C1orf198: variants seen among roughly 807,000 people sequenced by gnomAD.
C1orf198 encodes uncharacterized protein C1orf198.
C1orf198 carries 17 observed loss-of-function variants against 31.4 expected under a neutral mutation model. The observed-to-expected ratio is 0.54, with a 90% CI of 0.37 to 0.81. The LOEUF is 0.81. Ranked by LOEUF, C1orf198 falls within the 40% of genes least tolerant of loss-of-function variation. The probability of loss-of-function intolerance (pLI) is 0.00; values close to 1 mark genes in which losing one functional copy is unlikely to be tolerated. For synonymous variants in C1orf198, 175 were observed against 193.8 expected, an observed-to-expected ratio of 0.90 and a Z score of 0.81; for missense variants, 401 against 450.3, an observed-to-expected ratio of 0.89 and a Z score of 0.99.
chr1:230,868,254 C>A lies in C1orf198; in HGVS notation c.259G>T (p.Asp87Tyr), dbSNP rs369516099. Residue 87 changes from aspartate (D) to tyrosine (Y), a missense_variant, in exon 1 of 4, where the codon GAC becomes TAC. By Grantham distance (160) the Asp-to-Tyr change is radical. Transcript: ENST00000366663. ...PRAPAPRDPG[D>Y]SEELTRFPGL... Reference sequence around the variant, plus strand: ...GGGAAGCGCGTGAGCTCCTCCGAGTCCCCGGGGTCTCGGGGCGCCGGGGCG... The same window carrying A: ...GGGAAGCGCGTGAGCTCCTCCGAGTACCCGGGGTCTCGGGGCGCCGGGGCG... The A allele has an allele frequency of 1.3e-6, 2 of 1,570,188 alleles. No individual in the cohort carries two copies. The highest frequency in any genetic ancestry group is 1.4e-5 in the African/African-American group (1 of 71,226).
chr1:230,868,156 G>T, intron 1 of C1orf198, 24 bp downstream of exon 1: 5 of 1,411,934 alleles, frequency 3.5e-6, no homozygotes, highest in Non-Finnish European at 4.6e-6. Context: ...GGGGAAGAGG[G>T]TCCGCGGCCA....
intron 1 of C1orf198, chr1:230,855,947 G>A: frequency 7.6e-7 from 1 of 1,322,722 alleles, no homozygotes; most frequent in East Asian, 2.8e-5. Flanking sequence ...CAGCCAAACA[G>A]ACAACAGGGA....
intron 1 of C1orf198, among the ~76,000 whole-genome samples, chr1:230,858,821 G>A (rs977780192): frequency 6.6e-6 from 1 of 152,188 alleles, no homozygotes; most frequent in Non-Finnish European, 1.5e-5. Flanking sequence ...GCTTTGGAAG[G>A]TGGCTCAATA....
chr1:230,868,152 G>A lies in C1orf198; in HGVS notation c.333+28C>T, dbSNP rs560803969. 1,756 of 1,391,690 alleles carry A rather than the reference G, an allele frequency of 1.3e-3. 5 individuals carry two copies. Among genetic ancestry groups the A allele is most frequent in the South Asian group, 2.6e-3 (168 of 63,950 alleles). The allele number at this position is 1,391,690 out of a possible 1,614,324, so 86.2% of individuals were successfully genotyped here. ...GCGCCTCGGGGCGCCGGGAGGGGAA[G>A]AGGGTCCGCGGCCAGGCCCGCACCT... On this transcript the variant is annotated intron_variant, in intron 1 of 3. Coordinates refer to ENST00000366663, the MANE Select transcript of C1orf198 (RefSeq NM_032800.3).
At chr1:230,860,359 T>C (rs991594889) in intron 1 of C1orf198, among the ~76,000 whole-genome samples, 1 of 152,176 alleles carries the variant, frequency 6.6e-6, no homozygotes, top group Non-Finnish European at 1.5e-5. Context: ...CATTCCTAGG[T>C]ATACACCCGA....
chr1:230,845,814 C>A (rs1209378139), intron 2 of C1orf198, among the ~76,000 whole-genome samples: 1 of 152,194 alleles, frequency 6.6e-6, no homozygotes, highest in African/African-American at 2.4e-5. Context: ...CCCTTCCCTC[C>A]TCCCATAATC....
Position 230,840,186 on chromosome 1 carries a change from G to A in C1orf198, c.928-278C>T, listed in dbSNP as rs1257657787. On this transcript the variant is annotated intron_variant, in intron 3 of 3. Coordinates refer to ENST00000366663, the MANE Select transcript of C1orf198 (RefSeq NM_032800.3). This position sits in a 1 kb window ranked among gnomAD's most constrained non-coding sequence, Gnocchi z 4.0. ...TTACAGAGAAAAGAACAATGTCTCT[G>A]TATTTTTCTATAAATCTTTTCTGTT... 1.3e-5 allele frequency among the ~76,000 whole-genome samples: 2 copies of A among 152,164 alleles called. No individual in the cohort carries two copies. The highest frequency in any genetic ancestry group is 1.3e-4 in the Admixed American group (2 of 15,278).
rs764514710 is a variant in C1orf198, at chr1:230,839,879, C to T, written c.957G>A (p.Thr319=). The part of the protein sequence containing the change: ...QVSSSNVVLK[T]GFDFLDNW The stretch of plus-strand genomic sequence containing the variant: ...ACCAATTGTCCAGAAAATCAAATCC[C>T]GTCTTCAAGACGACATTACTTGAGC... Residue 319 remains threonine (T), a synonymous_variant, in exon 4 of 4, where the codon ACG becomes ACA. Coordinates refer to ENST00000366663, the MANE Select transcript of C1orf198 (RefSeq NM_032800.3). 21 of 1,610,192 alleles carry T rather than the reference C, an allele frequency of 1.3e-5. No homozygotes were observed. Among genetic ancestry groups the T allele is most frequent in the South Asian group, 7.8e-5 (7 of 89,690 alleles).
chr1:230,866,683 T>C (rs1226969395), intron 1 of C1orf198, among the ~76,000 whole-genome samples: 1 of 152,198 alleles, frequency 6.6e-6, no homozygotes, highest in East Asian at 1.9e-4. Flanking sequence ...GAAGTTTACT[T>C]CCTGTCATAT....
At chr1:230,847,102 CAAAAAAAAAAAAAAA>C (rs71179741) in intron 2 of C1orf198, among the ~76,000 whole-genome samples, 5 of 69,702 alleles carry the variant, frequency 7.2e-5, no homozygotes, top group African/African-American at 1.9e-4. Context: ...GACTCCGTCT[CAAAAAAAAAAAAAAA>C]AAAAAAAAAA....
chr1:230,867,710 C>T (rs1670153586), intron 1 of C1orf198, among the ~76,000 whole-genome samples: 1 of 152,188 alleles, frequency 6.6e-6, no homozygotes, highest in African/African-American at 2.4e-5. Flanking sequence ...ATCATTTGCT[C>T]AGTCCCTTCA....
chr1:230,841,990 A>G (rs547134135), intron 3 of C1orf198, among the ~76,000 whole-genome samples: 36 of 152,346 alleles, frequency 2.4e-4, no homozygotes, highest in African/African-American at 8.4e-4. Flanking sequence ...AACATGAATG[A>G]GCCTTGAAGA....
At chr1:230,848,848 A>C (rs11805329) in intron 2 of C1orf198, among the ~76,000 whole-genome samples, 14,739 of 151,870 alleles carry the variant, frequency 0.097, 2,095 homozygotes, top group African/African-American at 0.32. Flanking sequence ...AGCTCTAAAA[A>C]CTCCAGGAAC....
chr1:230,847,558 GGT>G (rs1039427780), intron 2 of C1orf198, among the ~76,000 whole-genome samples: 17 of 152,180 alleles, frequency 1.1e-4, no homozygotes, highest in African/African-American at 3.9e-4. Flanking sequence ...CAAAACAACA[GGT>G]GGCCACCAGG....
upstream of C1orf198, chr1:230,869,356 A>G (rs925724531): frequency 6.6e-6 from 1 of 152,236 alleles, no homozygotes; most frequent in African/African-American, 2.4e-5. Flanking sequence ...CGACATCCCA[A>G]CAGGTAGGGG....
At chr1:230,854,044 T>C (rs1198734518) in intron 2 of C1orf198, among the ~76,000 whole-genome samples, 1 of 152,200 alleles carries the variant, frequency 6.6e-6, no homozygotes, top group African/African-American at 2.4e-5. Flanking sequence ...AAATAGCTGA[T>C]TCAGGAACAT....
At position 230,857,260 on chromosome 1, in the gene C1orf198, A is replaced by G. The variant is rs926615426; in HGVS notation, c.334-1542T>C. On this transcript the variant is annotated intron_variant, in intron 1 of 3. Coordinates refer to ENST00000366663, the MANE Select transcript of C1orf198 (RefSeq NM_032800.3). This position sits in a 1 kb window ranked among gnomAD's most constrained non-coding sequence, Gnocchi z 4.2. The stretch of plus-strand genomic sequence containing the variant: ...GCCCAAGCACGGCCAACCCTAGATG[A>G]CAGGGGCAACACAGCAGGGCCTTTG... 2.6e-5 allele frequency among the ~76,000 whole-genome samples: 4 copies of G among 152,206 alleles called. No homozygotes were observed. The highest frequency in any genetic ancestry group is 6.5e-5 in the Admixed American group (1 of 15,274).
At chr1:230,868,716 G>GC (rs1400247857), upstream of C1orf198, 1,085 of 196,882 alleles carry the variant, frequency 5.5e-3, 6 homozygotes, top group Middle Eastern at 0.01. Flanking sequence ...CTCCCTCCGG[G>GC]CCCCCCCCCG....
In C1orf198 at chr1:230,838,068, GCCCT is replaced by G; in HGVS notation, c.*1780_*1783del. Reference sequence around the variant, plus strand: ...ACCATAGGTTCTACAACAGCCCCATGCCCTCCAGGCAGAAGGTGGAGGCAGGTGG... The same window carrying G: ...ACCATAGGTTCTACAACAGCCCCATGCCAGGCAGAAGGTGGAGGCAGGTGG... On this transcript the variant is annotated 3_prime_UTR_variant, in exon 4 of 4. Coordinates refer to ENST00000366663, the MANE Select transcript of C1orf198 (RefSeq NM_032800.3). The surrounding 1 kb of genome is among the most constrained non-coding windows in gnomAD (Gnocchi z 4.2). 1 of 152,354 alleles carries G rather than the reference GCCCT, an allele frequency of 6.6e-6. No homozygotes were observed. The highest frequency in any genetic ancestry group is 1.9e-4 in the East Asian group (1 of 5,182). 9.4% of individuals were successfully genotyped at this position (152,354 alleles called of 1,614,324 possible).
Sources: gnomAD v4.1 joint callset for allele counts (sites outside exome capture counted in the v4.1 genomes callset) on GRCh38, gnomAD v4.1.1 for gene constraint, Gnocchi (gnomAD v3.1) non-coding constraint, MANE v1.5 for transcripts, NCBI Gene and HGNC (gene_info 2026-07-23, HGNC 2026-07-21) for gene names.